SNTG2: variants seen among roughly 807,000 people sequenced by gnomAD.
SNTG2 encodes the protein syntrophin gamma 2.
Under a neutral mutation model 70.9 loss-of-function variants are expected in SNTG2, and 74 were observed. The ratio of observed to expected loss-of-function variants is 1.04; its 90% CI spans 0.86 to 1.27. The LOEUF is 1.27. Among genes scored for constraint, SNTG2 ranks in the 50% most tolerant of loss-of-function variants. The pLI, the probability that SNTG2 is intolerant of heterozygous loss-of-function variation, is 0.00. For missense variants in SNTG2, 717 were observed against 690.7 expected (o/e 1.04, Z -0.43); for synonymous variants, 278 against 273.8 (o/e 1.02, Z -0.15).
At chr2:996,673 GTTTTTTTTTTTTTTTTTT>G in intron 1 of SNTG2, among the ~76,000 whole-genome samples, 1 of 35,114 alleles carries the variant, frequency 2.8e-5, no homozygotes, top group Non-Finnish European at 4.9e-5. Context: ...GAGTTACCCA[GTTTTTTTTTTTTTTTTTT>G]TTTTTTTTTT....
chr2:996,436 A>G (rs1661682851), intron 1 of SNTG2, among the ~76,000 whole-genome samples: 1 of 152,120 alleles, frequency 6.6e-6, no homozygotes, highest in Non-Finnish European at 1.5e-5. Flanking sequence ...TACACCTTGT[A>G]GAAAAATGGG....
intron 1 of SNTG2, among the ~76,000 whole-genome samples, chr2:953,484 C>T (rs748734189): frequency 6.6e-6 from 1 of 152,220 alleles, no homozygotes; most frequent in Non-Finnish European, 1.5e-5. Context: ...GGGGTAAGGG[C>T]ACCACCTAAT....
chr2:1,363,272 G>T (rs1661300343), intron 16 of SNTG2, among the ~76,000 whole-genome samples: 1 of 152,170 alleles, frequency 6.6e-6, no homozygotes, highest in Non-Finnish European at 1.5e-5. Flanking sequence ...AGCTCCCCTT[G>T]CTATTGATCC....
intron 6 of SNTG2, among the ~76,000 whole-genome samples, chr2:1,150,663 A>G (rs1352761253): frequency 6.6e-6 from 1 of 152,146 alleles, no homozygotes; most frequent in African/African-American, 2.4e-5. Flanking sequence ...AAGTTTACTT[A>G]AGGACACAGA....
intron 1 of SNTG2, among the ~76,000 whole-genome samples, chr2:1,063,233 C>T (rs543526258): frequency 1.3e-5 from 2 of 152,180 alleles, no homozygotes; most frequent in South Asian, 2.1e-4. Flanking sequence ...AGATATCCAC[C>T]GGTGATGCTG....
At chr2:1,016,442 T>C (rs1659893851) in intron 1 of SNTG2, among the ~76,000 whole-genome samples, 1 of 152,202 alleles carries the variant, frequency 6.6e-6, no homozygotes, top group African/African-American at 2.4e-5. Context: ...GGTTTTACCA[T>C]GTTGGCCAGG....
intron 6 of SNTG2, among the ~76,000 whole-genome samples, chr2:1,148,560 T>G (rs67821800): frequency 0.98 from 149,676 of 152,218 alleles, 73,637 homozygotes; most frequent in East Asian, 1. Context: ...AGCTTGCTAT[T>G]GCCCTCACTA....
intron 1 of SNTG2, among the ~76,000 whole-genome samples, chr2:1,053,469 TC>T (rs1411845486): frequency 1.9e-4 from 27 of 140,706 alleles, no homozygotes; most frequent in South Asian, 7.5e-4. Flanking sequence ...TATCACTCCA[TC>T]CCCCCCCACC....
intron 4 of SNTG2, among the ~76,000 whole-genome samples, chr2:1,105,832 C>T (rs895566593): frequency 1.3e-5 from 2 of 152,186 alleles, no homozygotes; most frequent in African/African-American, 4.8e-5. Flanking sequence ...TGCTCCGATG[C>T]ATGGCACAGG....
rs1678800956 is a variant in SNTG2, at chr2:1,267,419, G to C, written c.1132G>C (p.Asp378His). 6.2e-7 allele frequency: 1 copy of C among 1,611,532 alleles called. No homozygotes were observed. The highest frequency in any genetic ancestry group is 1.3e-5 in the African/African-American group (1 of 74,898). ...LQANLYLGLQ[D>H]FDFEDQRPYC... ...AGCAAACTTGTATCTGGGTCTTCAA[G>C]ATTTTGACTTTGAGGACCAGAGGCC... is the stretch of plus-strand genomic sequence containing the variant. Residue 378 changes from aspartate (D) to histidine (H), a missense_variant, in exon 14 of 17, where the codon GAT becomes CAT. Asp to His is a moderately conservative substitution (Grantham distance 81). Coordinates refer to ENST00000308624, the MANE Select transcript of SNTG2 (RefSeq NM_018968.4).
chr2:1,260,576 ATAGAATAAAACATTAAC>A (rs1486550466), intron 13 of SNTG2, among the ~76,000 whole-genome samples: 4 of 152,250 alleles, frequency 2.6e-5, no homozygotes, highest in Non-Finnish European at 5.9e-5. Flanking sequence ...ATGGAGGAAA[ATAGAATAAAACATTAAC>A]TGTGGTTTTC....
chr2:1,349,952 A>AT (rs2148304660), intron 16 of SNTG2, among the ~76,000 whole-genome samples: 1 of 152,366 alleles, frequency 6.6e-6, no homozygotes, highest in East Asian at 1.9e-4. Context: ...TTTGGAAATG[A>AT]TTATTTCTAA....
At chr2:1,010,929 A>G (rs1021162719) in intron 1 of SNTG2, among the ~76,000 whole-genome samples, 2 of 152,218 alleles carry the variant, frequency 1.3e-5, no homozygotes, top group Non-Finnish European at 2.9e-5. Context: ...GAAAATAGAA[A>G]AGTGGAACTG....
At chr2:1,274,269 C>T (rs1216250374) in intron 14 of SNTG2, among the ~76,000 whole-genome samples, 1 of 152,182 alleles carries the variant, frequency 6.6e-6, no homozygotes, top group Non-Finnish European at 1.5e-5. Context: ...TTCTCGTTAC[C>T]CTGGTGTATG....
intron 4 of SNTG2, among the ~76,000 whole-genome samples, chr2:1,103,679 C>T (rs74258289): frequency 0.15 from 22,415 of 152,186 alleles, 1,781 homozygotes; most frequent in Admixed American, 0.16. Flanking sequence ...TGAGCCACCG[C>T]GCCTGGCCAT....
intron 4 of SNTG2, among the ~76,000 whole-genome samples, chr2:1,106,744 A>C (rs372473544): frequency 2.9e-5 from 1 of 34,570 alleles, no homozygotes; most frequent in East Asian, 1.0e-3. Context: ...CTTGATAATA[A>C]TGGACACGTG....
At chr2:979,040 C>T (rs571307492) in intron 1 of SNTG2, among the ~76,000 whole-genome samples, 2 of 152,256 alleles carry the variant, frequency 1.3e-5, no homozygotes, top group South Asian at 2.1e-4. Flanking sequence ...ATCGCAATCT[C>T]CTAGGGAGCA....
Position 1,366,362 on chromosome 2 carries a change from A to T in SNTG2, c.1489-981A>T, listed in dbSNP as rs555005932. 4.6e-5 allele frequency among the ~76,000 whole-genome samples: 7 copies of T among 152,250 alleles called. No individual in the cohort carries two copies. In the South Asian group the frequency reaches 1.5e-3, roughly 32 times the overall value. ...CCCCAGTAACTGAATAACTTCTAAA[A>T]ACAGTTTCTTTAACTTCTGTGTCAG... On this transcript the variant is annotated intron_variant, in intron 16 of 16. Coordinates refer to ENST00000308624, the MANE Select transcript of SNTG2 (RefSeq NM_018968.4).
chr2:1,000,359 ATAAAT>A (rs1275662588), intron 1 of SNTG2, among the ~76,000 whole-genome samples: 1 of 151,950 alleles, frequency 6.6e-6, no homozygotes, highest in Non-Finnish European at 1.5e-5. Context: ...CTTTGAAAGG[ATAAAT>A]TAAATTAATA....
Sources: allele counts gnomAD v4.1 joint callset (sites outside exome capture counted in the v4.1 genomes callset), GRCh38; gene constraint gnomAD v4.1.1; transcripts MANE v1.5; gene names NCBI Gene and HGNC (gene_info 2026-07-23, HGNC 2026-07-21).